The following IGF1R variants were observed in gnomAD, a reference collection of about 807,000 sequenced individuals.
IGF1R encodes the protein insulin-like growth factor 1 receptor.
IGF1R carries 44 observed loss-of-function variants against 144.6 expected under a neutral mutation model. The observed-to-expected ratio is 0.30, with a 90% CI of 0.24 to 0.39. The LOEUF (loss-of-function observed/expected upper bound fraction) is 0.39. IGF1R is among the 10% of genes least tolerant of loss of function. The pLI, the probability that IGF1R is intolerant of heterozygous loss-of-function variation, is 1.00. For synonymous variants in IGF1R, 795 were observed against 722.8 expected (o/e 1.10, Z -1.60); for missense variants, 1,355 against 1,833.7 (o/e 0.74, Z 4.77).
At position 98,742,447 on chromosome 15, in the gene IGF1R, T is replaced by A. The variant is rs1191860843; in HGVS notation, c.640+34340T>A. On this transcript the variant is annotated intron_variant, in intron 2 of 20. Coordinates refer to ENST00000650285, the MANE Select transcript of IGF1R (RefSeq NM_000875.5). ...GGTGGGGGGCAAGGTGGACGAGGGC[T>A]GGGGCTGCTCCTGGAGCATCTTTAC... Among the ~76,000 whole-genome samples, 160 of 152,230 alleles carry A rather than the reference T, an allele frequency of 1.1e-3. 1 individual carries two copies. The highest frequency in any genetic ancestry group is 4.6e-4 in the Non-Finnish European group (31 of 68,022).
Position 98,704,777 on chromosome 15 carries a change from G to T in IGF1R, c.95-2785G>T, listed in dbSNP as rs1230716746. Among the ~76,000 whole-genome samples, 3 of 152,124 alleles carry T rather than the reference G, an allele frequency of 2.0e-5. No homozygotes were observed. Among genetic ancestry groups the T allele is most frequent in the African/African-American group, 7.2e-5 (3 of 41,408 alleles). Reference sequence around the variant, plus strand: ...CCTTGGGAGGGAAGTGTGTAGGGTTGTTGAGGAACAGCGTGCTGCACAGGG... The same window carrying T: ...CCTTGGGAGGGAAGTGTGTAGGGTTTTTGAGGAACAGCGTGCTGCACAGGG... On this transcript the variant is annotated intron_variant, in intron 1 of 20. Transcript: ENST00000650285. The surrounding 1 kb of genome is among the most constrained non-coding windows in gnomAD (Gnocchi z 4.9).
intron 1 of IGF1R, among the ~76,000 whole-genome samples, chr15:98,701,889 C>A (rs1413884179): frequency 6.6e-6 from 1 of 152,156 alleles, no homozygotes; most frequent in Non-Finnish European, 1.5e-5. Flanking sequence ...CACAAAAGCA[C>A]TTACCTGATT....
In IGF1R at chr15:98,957,269, T is replaced by C; in HGVS notation, c.3931T>C (p.Ser1311Pro). The part of the protein sequence containing the change: ...ESVPLDPSAS[S>P]SSLPLPDRHS... ...CGTCCCCCTGGACCCCTCGGCCTCC[T>C]CGTCCTCCCTGCCACTGCCCGACAG... Residue 1311 changes from serine (S) to proline (P), a missense_variant, in exon 21 of 21, where the codon TCG becomes CCG. This residue lies in a region of IGF1R where 219 missense variants were observed against 188.8 expected (regional missense o/e 1.16). Coordinates refer to ENST00000650285, the MANE Select transcript of IGF1R (RefSeq NM_000875.5). The C allele has an allele frequency of 6.2e-7, 1 of 1,613,974 alleles. No individual in the cohort carries two copies. The highest frequency in any genetic ancestry group is 8.5e-7 in the Non-Finnish European group (1 of 1,179,974).
At chr15:98,699,196 A>G (rs2053666759) in intron 1 of IGF1R, among the ~76,000 whole-genome samples, 2 of 152,212 alleles carry the variant, frequency 1.3e-5, no homozygotes, top group South Asian at 2.1e-4. Context: ...CACTGGCTCT[A>G]CAGTCTGTCC....
At chr15:98,685,583 C>T (rs1267595117) in intron 1 of IGF1R, among the ~76,000 whole-genome samples, 2 of 152,198 alleles carry the variant, frequency 1.3e-5, no homozygotes, top group East Asian at 1.9e-4. Context: ...GCTCTTTCCA[C>T]GACTGGCTCA....
At chr15:98,939,590 G>A (rs2016289850) in intron 18 of IGF1R, among the ~76,000 whole-genome samples, 1 of 152,220 alleles carries the variant, frequency 6.6e-6, no homozygotes, top group Admixed American at 6.5e-5. Context: ...CACGGTCCCT[G>A]AGGCTGGCTC....
At chr15:98,835,107 A>ACACACACACC (rs1555450816) in intron 2 of IGF1R, among the ~76,000 whole-genome samples, 8 of 134,220 alleles carry the variant, frequency 6.0e-5, no homozygotes, top group African/African-American at 2.5e-4. Context: ...ACACACACAC[A>ACACACACACC]CACCCCTACA....
At chr15:98,756,038 A>T (rs12911294) in intron 2 of IGF1R, among the ~76,000 whole-genome samples, 138,172 of 152,132 alleles carry the variant, frequency 0.91, 64,107 homozygotes, top group Non-Finnish European at 1. Flanking sequence ...TGGTGTGATA[A>T]TCTTTGGATA....
intron 19 of IGF1R, among the ~76,000 whole-genome samples, chr15:98,944,410 T>G (rs1241372653): frequency 1.3e-5 from 2 of 152,218 alleles, no homozygotes; most frequent in African/African-American, 4.8e-5. Context: ...AATAGGCGTT[T>G]GGTATTCATT....
At chr15:98,789,343 C>T (rs1367347277) in intron 2 of IGF1R, among the ~76,000 whole-genome samples, 1 of 152,140 alleles carries the variant, frequency 6.6e-6, no homozygotes, top group Non-Finnish European at 1.5e-5. Context: ...GCTGGCTAGC[C>T]TTTTTTTAAA....
chr15:98,876,324 A>G (rs1013364441), intron 2 of IGF1R, among the ~76,000 whole-genome samples: 6 of 151,152 alleles, frequency 4.0e-5, no homozygotes, highest in Non-Finnish European at 7.4e-5. Context: ...TAAAAAAAAA[A>G]AAAGAGAGAG....
intron 2 of IGF1R, among the ~76,000 whole-genome samples, chr15:98,878,663 C>CAA (rs138285597): frequency 0.02 from 1,164 of 57,750 alleles, 62 homozygotes; most frequent in Middle Eastern, 0.045. Context: ...GTGAAAGACT[C>CAA]AAAAAAAAAA....
chr15:98,830,185 A>G (rs181064046), intron 2 of IGF1R, among the ~76,000 whole-genome samples: 37 of 152,288 alleles, frequency 2.4e-4, no homozygotes, highest in Non-Finnish European at 4.4e-5. Flanking sequence ...ACTGTCTTCT[A>G]GATTTCTAGA....
chr15:98,920,628 G>A (rs1318248415), intron 10 of IGF1R, among the ~76,000 whole-genome samples: 1 of 152,194 alleles, frequency 6.6e-6, no homozygotes, highest in Non-Finnish European at 1.5e-5. Context: ...CTAGTTGGTT[G>A]GTTTGCAGAG....
At chr15:98,664,925 T>G (rs1398902573) in intron 1 of IGF1R, among the ~76,000 whole-genome samples, 3 of 149,730 alleles carry the variant, frequency 2.0e-5, no homozygotes, top group East Asian at 1.9e-4. Context: ...ACATTTGCCG[T>G]TTTTTTTTGA....
intron 1 of IGF1R, among the ~76,000 whole-genome samples, chr15:98,651,497 G>C (rs1470212193): frequency 1.3e-5 from 2 of 152,216 alleles, no homozygotes; most frequent in Non-Finnish European, 2.9e-5. Context: ...GAAGACACGG[G>C]AGAAATAATC....
intron 2 of IGF1R, among the ~76,000 whole-genome samples, chr15:98,772,651 C>T (rs1018650132): frequency 1.3e-5 from 2 of 151,588 alleles, no homozygotes; most frequent in African/African-American, 4.8e-5. Flanking sequence ...TGTACACCAC[C>T]ACGCCCAGCT....
intron 2 of IGF1R, among the ~76,000 whole-genome samples, chr15:98,796,212 G>A (rs1388803594): frequency 2.0e-5 from 3 of 151,986 alleles, no homozygotes; most frequent in Admixed American, 6.5e-5. Context: ...ATGTGCTGGC[G>A]TTAGTAGTAG....
intron 5 of IGF1R, among the ~76,000 whole-genome samples, chr15:98,902,449 G>A (rs1186340188): frequency 9.5e-6 from 1 of 104,950 alleles, no homozygotes; most frequent in Admixed American, 1.4e-4. Context: ...ATGGAATCTT[G>A]CTGTGTCGCC....
Sources: allele counts gnomAD v4.1 joint callset (sites outside exome capture counted in the v4.1 genomes callset), GRCh38; gene constraint gnomAD v4.1.1; regional missense constraint gnomAD v4.1.1; non-coding constraint Gnocchi (gnomAD v3.1); transcripts MANE v1.5; gene names NCBI Gene and HGNC (gene_info 2026-07-23, HGNC 2026-07-21).